Variants in ZNF737 observed in about 807,000 individuals in gnomAD.
ZNF737 encodes zinc finger protein 737, also known as zinc finger protein 102 (Y3).
In ZNF737, 13 loss-of-function variants were observed where a neutral mutation model predicts 11.7. That is an observed-to-expected ratio of 1.11 (90% CI 0.73 to 1.77). The LOEUF (loss-of-function observed/expected upper bound fraction) is 1.77. Ranked by LOEUF, ZNF737 falls within the 40% of genes most tolerant of loss-of-function variation. The pLI is 0.00. For missense variants in ZNF737, 636 were observed against 638.0 expected (o/e 1.00, Z 0.03); for synonymous variants, 217 against 216.2 (o/e 1.00, Z -0.03).
At chr19:20,547,432 A>G (rs1968497586) in intron 3 of ZNF737, among the ~76,000 whole-genome samples, 1 of 151,798 alleles carries the variant, frequency 6.6e-6, no homozygotes, top group Admixed American at 6.6e-5. Context: ...ACAATGTGAC[A>G]CTGACACAAA....
At position 20,542,225 on chromosome 19, in the gene ZNF737, C is replaced by G. The variant is rs1968235450; in HGVS notation, c.*2367G>C. The G allele has an allele frequency of 1.0e-6, 1 of 977,568 alleles. No homozygotes were observed. Among genetic ancestry groups the G allele is most frequent in the Non-Finnish European group, 1.2e-6 (1 of 825,136 alleles). The allele number at this position is 977,568 out of a possible 1,614,324, so 60.6% of individuals were successfully genotyped here. ...AAATAAAATTAAGTTCACAAATAATCTAACAAACTTTTTTTTTTTTGAGAC... is the reference window on the plus strand; with the variant it reads ...AAATAAAATTAAGTTCACAAATAATGTAACAAACTTTTTTTTTTTTGAGAC... On this transcript the variant is annotated 3_prime_UTR_variant, in exon 4 of 4. Transcript: ENST00000427401.
downstream of ZNF737, among the ~76,000 whole-genome samples, chr19:20,536,795 T>C (rs564545597): frequency 4.6e-5 from 7 of 152,088 alleles, no homozygotes; most frequent in South Asian, 1.5e-3. Flanking sequence ...CACAAAAAAT[T>C]AGCTGTGCAT....
Position 20,541,308 on chromosome 19 carries a change from TCA to T in ZNF737, c.*3282_*3283del. 1.0e-6 allele frequency: 1 copy of T among 983,452 alleles called. No homozygotes were observed. The highest frequency in any genetic ancestry group is 1.2e-6 in the Non-Finnish European group (1 of 828,742). 60.9% of individuals were successfully genotyped at this position (983,452 alleles called of 1,614,324 possible). The stretch of plus-strand genomic sequence containing the variant: ...ATTTTCTTACACCTCAGGTTTATCT[TCA>T]GAGTAATATGTGTATATTTAACTCT... On this transcript the variant is annotated 3_prime_UTR_variant, in exon 4 of 4. Coordinates refer to ENST00000427401, the MANE Select transcript of ZNF737 (RefSeq NM_001159293.2).
Position 20,545,257 on chromosome 19 carries a change from C to A in ZNF737, c.946G>T (p.Glu316Ter). 1 of 1,613,716 alleles carries A rather than the reference C, an allele frequency of 6.2e-7. No homozygotes were observed. Among genetic ancestry groups the A allele is most frequent in the South Asian group, 1.1e-5 (1 of 91,030 alleles). Reference protein sequence around the residue: ...IHSGEKPYKCEECGKAFKHPS... With the variant: ...IHSGEKPYKC ...TGCTTAAAGGCTTTGCCACATTCTT[C>A]ACATTTGTAGGGTTTCTCTCCGCTA... The change falls in exon 4 of 4, where the codon GAA becomes TAA. Residue 316 changes from glutamate (E) to a stop codon, truncating the protein, a stop_gained. Coordinates refer to ENST00000427401, the MANE Select transcript of ZNF737 (RefSeq NM_001159293.2). LOFTEE classifies it low-confidence loss of function (END_TRUNC).
In ZNF737 at chr19:20,543,375, T is replaced by G; in HGVS notation, c.*1217A>C. 1 of 986,662 alleles carries G rather than the reference T, an allele frequency of 1.0e-6. No individual in the cohort carries two copies. Among genetic ancestry groups the G allele is most frequent in the Non-Finnish European group, 1.2e-6 (1 of 829,804 alleles). The allele number at this position is 986,662 out of a possible 1,614,324, so 61.1% of individuals were successfully genotyped here. A position where few individuals can be genotyped will look rare whatever the true frequency, so the allele number is the denominator to read the frequency against. On this transcript the variant is annotated 3_prime_UTR_variant, in exon 4 of 4. Coordinates refer to ENST00000427401, the MANE Select transcript of ZNF737 (RefSeq NM_001159293.2). ...TACTATGTAACTCCCTTTATATTTG[T>G]AATGCTTGTCTTCACAATAAATACT...
chr19:20,551,517 C>T (rs1338860930), intron 3 of ZNF737, among the ~76,000 whole-genome samples: 1 of 150,026 alleles, frequency 6.7e-6, no homozygotes, highest in East Asian at 1.9e-4. Flanking sequence ...GTGGATCATA[C>T]ATCTTACATT....
At chr19:20,537,196 T>G (rs1329416612), downstream of ZNF737, among the ~76,000 whole-genome samples, 1 of 151,940 alleles carries the variant, frequency 6.6e-6, no homozygotes, top group East Asian at 1.9e-4. Context: ...TACTGGTTTT[T>G]TTTTTTTTCT....
intron 1 of ZNF737, among the ~76,000 whole-genome samples, chr19:20,559,621 C>G (rs552556804): frequency 7.2e-5 from 11 of 152,170 alleles, no homozygotes; most frequent in Non-Finnish European, 1.2e-4. Context: ...GCAGAGAAAA[C>G]GGAATGCTTA....
chr19:20,541,953 A>G lies in ZNF737; in HGVS notation c.*2639T>C. 1.1e-6 allele frequency: 1 copy of G among 892,460 alleles called. No homozygotes were observed. The highest frequency in any genetic ancestry group is 1.3e-6 in the Non-Finnish European group (1 of 745,934). 55.3% of individuals were successfully genotyped at this position (892,460 alleles called of 1,614,324 possible). ...ATATAAGGCATAAATATATACACAT[A>G]TTATATACCCACGAATACAAATAAA... On this transcript the variant is annotated 3_prime_UTR_variant, in exon 4 of 4. Coordinates refer to ENST00000427401, the MANE Select transcript of ZNF737 (RefSeq NM_001159293.2).
chr19:20,551,237 C>G (rs1377096756), intron 3 of ZNF737: 6 of 151,924 alleles, frequency 3.9e-5, no homozygotes, highest in African/African-American at 1.5e-4. Context: ...ACCACCCTTG[C>G]CAACATGGTG....
intron 3 of ZNF737, among the ~76,000 whole-genome samples, chr19:20,546,656 G>T (rs1555757133): frequency 2.0e-5 from 3 of 152,268 alleles, no homozygotes; most frequent in East Asian, 1.9e-4. Flanking sequence ...CACTTTGGGA[G>T]ATCCACTGGG....
At chr19:20,565,446 G>A (rs1424218692) in intron 1 of ZNF737, among the ~76,000 whole-genome samples, 192 bp downstream of exon 1, 7 of 152,132 alleles carry the variant, frequency 4.6e-5, no homozygotes, top group Non-Finnish European at 1.0e-4. Flanking sequence ...GACACAGGAC[G>A]CCAGGGGGCC....
intron 1 of ZNF737, among the ~76,000 whole-genome samples, chr19:20,560,481 T>C (rs1250026583): frequency 1.3e-5 from 2 of 151,952 alleles, no homozygotes; most frequent in Non-Finnish European, 2.9e-5. Flanking sequence ...ACCATCATTC[T>C]TAGAAAACAA....
chr19:20,553,012 CGAAA>C (rs1568432520), intron 2 of ZNF737, among the ~76,000 whole-genome samples: 17 of 135,120 alleles, frequency 1.3e-4, no homozygotes, highest in African/African-American at 4.2e-4. Context: ...ACTCTGTCCC[CGAAA>C]AAAAAAAAAA....
At chr19:20,550,490 A>G (rs1017459695) in intron 3 of ZNF737, among the ~76,000 whole-genome samples, 3 of 152,262 alleles carry the variant, frequency 2.0e-5, no homozygotes, top group Non-Finnish European at 4.4e-5. Context: ...GAACATAGAA[A>G]GTAAAAATAT....
Position 20,565,624 on chromosome 19 carries a change from AC to A in ZNF737, c.3+13del, listed in dbSNP as rs1555763616. ...CTATCCCCCTCTCTCGGGATGTCGG[AC>A]CGGCACTCTCACCATTTCTAGGCTT... On this transcript the variant is annotated intron_variant, in intron 1 of 3. Transcript: ENST00000427401. 6.2e-7 allele frequency: 1 copy of A among 1,614,144 alleles called. No individual in the cohort carries two copies. Among genetic ancestry groups the A allele is most frequent in the South Asian group, 1.1e-5 (1 of 91,072 alleles).
At chr19:20,536,623 T>C (rs1967977411), downstream of ZNF737, among the ~76,000 whole-genome samples, 1 of 151,824 alleles carries the variant, frequency 6.6e-6, no homozygotes, top group Admixed American at 6.6e-5. Context: ...GCCTGGCCAA[T>C]ATGGTGAAAC....
chr19:20,540,859 A>C lies in ZNF737; in HGVS notation c.*3733T>G. ...CTACTTTTTAGTTTTATTCATTACA[A>C]ATAACTATTTTTCTGGCTTAAATTA... On this transcript the variant is annotated 3_prime_UTR_variant, in exon 4 of 4. Transcript: ENST00000427401. 1 of 945,612 alleles carries C rather than the reference A, an allele frequency of 1.1e-6. No homozygotes were observed. The allele number at this position is 945,612 out of a possible 1,614,324, so 58.6% of individuals were successfully genotyped here. A position where few individuals can be genotyped will look rare whatever the true frequency, so the allele number is the denominator to read the frequency against.
chr19:20,544,705 T>C lies in ZNF737; in HGVS notation c.1498A>G (p.Lys500Glu), dbSNP rs142946515. Residue 500 changes from lysine (K) to glutamate (E), a missense_variant, in exon 4 of 4, where the codon AAG becomes GAG. Physicochemically the swap from Lys to Glu is moderately conservative, Grantham distance 56. Coordinates refer to ENST00000427401, the MANE Select transcript of ZNF737 (RefSeq NM_001159293.2). ...GGTTTCTCTCCAGTATGAATTCTCT[T>C]ATGTCTAGTAAGGATAAAGGAGCGC... ...FKRSFILTRH[K>E]RIHTGEKPYK... The C allele has an allele frequency of 4.2e-4, 682 of 1,607,160 alleles. 9 individuals carry two copies. The East Asian group carries it at 0.015, about 35-fold the overall frequency.
Sources: allele counts gnomAD v4.1 joint callset (sites outside exome capture counted in the v4.1 genomes callset), GRCh38; gene constraint gnomAD v4.1.1; transcripts MANE v1.5; gene names NCBI Gene and HGNC (gene_info 2026-07-23, HGNC 2026-07-21).